NRG2: variants seen among roughly 807,000 people sequenced by gnomAD.
NRG2 encodes pro-neuregulin-2, membrane-bound isoform.
NRG2 carries 27 observed loss-of-function variants against 73.9 expected under a neutral mutation model. The ratio of observed to expected loss-of-function variants is 0.37; its 90% CI spans 0.27 to 0.50. The LOEUF (loss-of-function observed/expected upper bound fraction) is 0.50, where lower values mean the gene tolerates loss of function less well. NRG2 is among the 20% of genes least tolerant of loss of function. NRG2 has a pLI of 0.96. For missense variants in NRG2, 1,126 were observed against 1,210.1 expected, an observed-to-expected ratio of 0.93 and a Z score of 1.03; for synonymous variants, 532 against 541.0, an observed-to-expected ratio of 0.98 and a Z score of 0.23.
intron 1 of NRG2, among the ~76,000 whole-genome samples, chr5:139,989,522 T>C (rs1037854061): frequency 2.0e-5 from 3 of 152,032 alleles, no homozygotes; most frequent in Admixed American, 1.3e-4. Flanking sequence ...TTATATAGTG[T>C]TATTGCATCT....
intron 1 of NRG2, among the ~76,000 whole-genome samples, chr5:139,914,316 G>A (rs950936241): frequency 6.6e-6 from 1 of 152,110 alleles, no homozygotes; most frequent in Non-Finnish European, 1.5e-5. Context: ...TAACTTATAA[G>A]GGAAACAGTG....
Position 139,848,045 on chromosome 5 carries a change from A to C in NRG2, c.2425T>G (p.Ser809Ala). 1.3e-6 allele frequency: 2 copies of C among 1,507,246 alleles called. No individual in the cohort carries two copies. The highest frequency in any genetic ancestry group is 1.8e-6 in the Non-Finnish European group (2 of 1,133,942). The allele number at this position is 1,507,246 out of a possible 1,614,324, so 93.4% of individuals were successfully genotyped here. ...TCGGCCGCCGGGCACAGTGGCGGCG[A>C]GTCCGAGCGCAGCGCGTCGTGCGCC... Reference protein sequence around the residue: ...RGAHDALRSDSPPLCPAADSR... With the variant: ...RGAHDALRSDAPPLCPAADSR... Residue 809 changes from serine to alanine, a missense_variant, in exon 10 of 10, where the codon TCG (serine) becomes GCG (alanine). By Grantham distance (99) the Ser-to-Ala change is moderately conservative. Around this residue, in one of 3 missense-constraint regions of NRG2, gnomAD observed 402 missense variants for 357.8 expected, o/e 1.12. Coordinates refer to ENST00000361474, the MANE Select transcript of NRG2 (RefSeq NM_004883.3).
intron 1 of NRG2, among the ~76,000 whole-genome samples, chr5:139,969,248 A>G (rs1038376259): frequency 1.3e-5 from 2 of 152,270 alleles, no homozygotes; most frequent in Non-Finnish European, 2.9e-5. Context: ...AGTTTCCTGA[A>G]GCTTTTCTGA....
At position 140,042,287 on chromosome 5, in the gene NRG2, C is replaced by T. The variant is rs1483519472; in HGVS notation, c.700+83G>A. The T allele has an allele frequency of 6.6e-6, 7 of 1,058,450 alleles. No individual in the cohort carries two copies. The African/African-American group carries it at 1.0e-4, about 15-fold the overall frequency. The allele number at this position is 1,058,450 out of a possible 1,614,324, so 65.6% of individuals were successfully genotyped here. On this transcript the variant is annotated intron_variant, in intron 1 of 9. Coordinates refer to ENST00000361474, the MANE Select transcript of NRG2 (RefSeq NM_004883.3). ...CCCGGACGCTGCCAGGCCCGGGCAC[C>T]TGCAGCACCTCCCCGCCCCACCCCC...
intron 1 of NRG2, among the ~76,000 whole-genome samples, chr5:139,994,207 T>A (rs1757860226): frequency 6.6e-6 from 1 of 152,206 alleles, no homozygotes; most frequent in Non-Finnish European, 1.5e-5. Context: ...TTTAGTCACT[T>A]TATTCTGCTT....
chr5:139,865,050 C>T lies in NRG2; in HGVS notation c.1189+499G>A. 2 of 1,378,800 alleles carry T rather than the reference C, an allele frequency of 1.5e-6. No individual in the cohort carries two copies. The highest frequency in any genetic ancestry group is 1.2e-5 in the South Asian group (1 of 86,074). The allele number at this position is 1,378,800 out of a possible 1,614,324, so 85.4% of individuals were successfully genotyped here. A position where few individuals can be genotyped will look rare whatever the true frequency, so the allele number is the denominator to read the frequency against. On this transcript the variant is annotated intron_variant, in intron 5 of 9. Transcript: ENST00000361474. The surrounding 1 kb of genome is among the most constrained non-coding windows in gnomAD (Gnocchi z 5.2). Reference sequence around the variant, plus strand: ...CCCCTAGTCTTGCTAAGCAAGGCCCCATCCCTCCCCAGGGGGAGACTGTCA... The same window carrying T: ...CCCCTAGTCTTGCTAAGCAAGGCCCTATCCCTCCCCAGGGGGAGACTGTCA...
chr5:139,849,088 G>A (rs747622098), intron 9 of NRG2, among the ~76,000 whole-genome samples: 7 of 152,114 alleles, frequency 4.6e-5, no homozygotes, highest in African/African-American at 1.2e-4. Flanking sequence ...GTTTAATACC[G>A]CAGCTCTGTA....
chr5:139,988,803 T>G (rs1390482914), intron 1 of NRG2, among the ~76,000 whole-genome samples: 1 of 151,766 alleles, frequency 6.6e-6, no homozygotes, highest in East Asian at 1.9e-4. Context: ...TAATGATGTG[T>G]CAATGTAGGT....
intron 5 of NRG2, chr5:139,859,943 G>C (rs2127028930): frequency 6.2e-7 from 1 of 1,611,356 alleles, no homozygotes; most frequent in Non-Finnish European, 8.5e-7. Context: ...GGGTCACAAA[G>C]GGAGGGGTGG....
chr5:139,913,134 C>T (rs983975575), intron 1 of NRG2, among the ~76,000 whole-genome samples: 2 of 152,232 alleles, frequency 1.3e-5, no homozygotes, highest in Non-Finnish European at 2.9e-5. Flanking sequence ...CTCTGAGCAC[C>T]TGCGCCTGGT....
At chr5:139,996,609 C>T (rs1383364093) in intron 1 of NRG2, among the ~76,000 whole-genome samples, 2 of 152,160 alleles carry the variant, frequency 1.3e-5, no homozygotes, top group Non-Finnish European at 2.9e-5. Context: ...TTCTCTTAAC[C>T]AGATCCATCC....
intron 1 of NRG2, among the ~76,000 whole-genome samples, chr5:139,901,137 A>G (rs1156539559): frequency 6.6e-6 from 1 of 152,162 alleles, no homozygotes; most frequent in Non-Finnish European, 1.5e-5. Context: ...GCCCTACCCC[A>G]GCTGTACCGC....
intron 3 of NRG2, among the ~76,000 whole-genome samples, chr5:139,872,102 G>T (rs1343584545): frequency 6.6e-6 from 1 of 152,228 alleles, no homozygotes; most frequent in East Asian, 1.9e-4. Context: ...TCATTCTTTT[G>T]TGGGGGGAGC....
chr5:140,013,969 T>C (rs1759571140), intron 1 of NRG2, among the ~76,000 whole-genome samples: 1 of 152,204 alleles, frequency 6.6e-6, no homozygotes, highest in Non-Finnish European at 1.5e-5. Flanking sequence ...TATTGTAGTG[T>C]CTAGGGCTCG....
intron 1 of NRG2, among the ~76,000 whole-genome samples, chr5:140,025,937 A>G (rs905912629): frequency 6.6e-5 from 10 of 152,160 alleles, no homozygotes; most frequent in Non-Finnish European, 1.5e-4. Context: ...CTTTATGTTT[A>G]CAGAAGAGCA....
At chr5:140,030,525 C>T (rs1012722372) in intron 1 of NRG2, among the ~76,000 whole-genome samples, 4 of 152,232 alleles carry the variant, frequency 2.6e-5, no homozygotes, top group Non-Finnish European at 4.4e-5. Flanking sequence ...GTGAAAACAG[C>T]ACTTCCAAGG....
At chr5:139,921,802 C>T (rs1751685195) in intron 1 of NRG2, among the ~76,000 whole-genome samples, 1 of 152,110 alleles carries the variant, frequency 6.6e-6, no homozygotes, top group African/African-American at 2.4e-5. Flanking sequence ...TGGCTCACAC[C>T]TATAATTCCA....
At chr5:139,867,798 A>AGTGTG (rs1762571780) in intron 4 of NRG2, among the ~76,000 whole-genome samples, 2 of 57,232 alleles carry the variant, frequency 3.5e-5, no homozygotes, top group Admixed American at 1.6e-4. Flanking sequence ...GTGTGTGTGT[A>AGTGTG]TGAGTGTGTG....
At chr5:139,917,181 A>G (rs1751317021) in intron 1 of NRG2, among the ~76,000 whole-genome samples, 1 of 152,220 alleles carries the variant, frequency 6.6e-6, no homozygotes, top group African/African-American at 2.4e-5. Context: ...CACATACCAT[A>G]CAATTCACCC....
Sources: allele counts gnomAD v4.1 joint callset (sites outside exome capture counted in the v4.1 genomes callset), GRCh38; gene constraint gnomAD v4.1.1; regional missense constraint gnomAD v4.1.1; non-coding constraint Gnocchi (gnomAD v3.1); transcripts MANE v1.5; gene names NCBI Gene and HGNC (gene_info 2026-07-23, HGNC 2026-07-21).